Variants in CAST observed in about 807,000 individuals in gnomAD.
CAST encodes the protein MIR583 host.
A neutral mutation model predicts 119.6 loss-of-function variants in CAST; 76 were observed. The observed-to-expected ratio is 0.64, with a 90% CI of 0.53 to 0.77. CAST has a LOEUF of 0.77. Among genes scored for constraint, CAST ranks in the 30% least tolerant of loss-of-function variants. The probability of loss-of-function intolerance (pLI) is 0.00; values close to 1 mark genes in which losing one functional copy is unlikely to be tolerated. For missense variants in CAST, 953 were observed against 946.5 expected (o/e 1.01, Z -0.09); for synonymous variants, 319 against 331.6 (o/e 0.96, Z 0.41).
intron 3 of CAST, among the ~76,000 whole-genome samples, chr5:96,701,805 C>CAAAA (rs1259689905): frequency 9.1e-4 from 113 of 123,664 alleles, no homozygotes; most frequent in African/African-American, 3.1e-3. Flanking sequence ...AATCCCACCT[C>CAAAA]AAAAAAAAAA....
chr5:96,724,633 C>T (rs1758911551), intron 4 of CAST, among the ~76,000 whole-genome samples: 1 of 152,006 alleles, frequency 6.6e-6, no homozygotes, highest in Admixed American at 6.5e-5. Context: ...GAGTTTGGGA[C>T]CAGCCTGGGC....
chr5:96,183,096 G>T, the CAST span, among the ~76,000 whole-genome samples: 1 of 151,296 alleles, frequency 6.6e-6, no homozygotes, highest in Non-Finnish European at 1.5e-5. Context: ...CCGAGATCGC[G>T]CGCCACTGCA....
chr5:96,774,446 G>GTCTAGTTAGGAGAGAGAAAAT lies in CAST; in HGVS notation c.*1831_*1851dup. 1 of 926,084 alleles carries GTCTAGTTAGGAGAGAGAAAAT rather than the reference G, an allele frequency of 1.1e-6. No homozygotes were observed. Among genetic ancestry groups the GTCTAGTTAGGAGAGAGAAAAT allele is most frequent in the Non-Finnish European group, 1.3e-6 (1 of 774,014 alleles). 57.4% of individuals were successfully genotyped at this position (926,084 alleles called of 1,614,324 possible). On this transcript the variant is annotated 3_prime_UTR_variant, in exon 32 of 32. Coordinates refer to ENST00000675179, the MANE Select transcript of CAST (RefSeq NM_001750.7). ...AGGATCTAAAGCAGCCCTTTTTACA[G>GTCTAGTTAGGAGAGAGAAAAT]TCTAGTTAGGAGAGAGAAAATAATT...
chr5:96,392,860 GT>G, the CAST span: 1 of 847,242 alleles, frequency 1.2e-6, no homozygotes, highest in Non-Finnish European at 2.0e-6. Context: ...CACATGTACA[GT>G]TTAGGGAGAA....
chr5:96,663,939 CAAAAA>C lies in CAST; in HGVS notation c.75+1455_75+1459del, dbSNP rs3048777. 1.1e-4 allele frequency among the ~76,000 whole-genome samples: 12 copies of C among 111,046 alleles called. 1 individual carries two copies. The highest frequency in any genetic ancestry group is 2.8e-4 in the South Asian group (1 of 3,530). 72.9% of individuals were successfully genotyped at this position (111,046 alleles called of 152,430 possible). On this transcript the variant is annotated intron_variant, in intron 1 of 31. Coordinates refer to ENST00000675179, the MANE Select transcript of CAST (RefSeq NM_001750.7). ...CATGATTTAACATTAGATTGCTTTC[CAAAAA>C]AAAAAAAAAAAATCACACACAGGAG...
the CAST span, among the ~76,000 whole-genome samples, chr5:96,046,709 A>C: frequency 1.3e-5 from 2 of 152,218 alleles, no homozygotes; most frequent in Admixed American, 6.5e-5. Flanking sequence ...TCATTTTCAC[A>C]GTGCTGATAA....
chr5:96,482,391 C>T, the CAST span, among the ~76,000 whole-genome samples: 1 of 150,542 alleles, frequency 6.6e-6, no homozygotes, highest in Non-Finnish European at 1.5e-5. Flanking sequence ...ATGAAAATTC[C>T]CCATCTAGTA....
chr5:96,511,107 A>C, the CAST span, among the ~76,000 whole-genome samples: 2 of 152,196 alleles, frequency 1.3e-5, no homozygotes, highest in Non-Finnish European at 2.9e-5. Context: ...TAAAACAACA[A>C]AACAAAACAA....
the CAST span, among the ~76,000 whole-genome samples, chr5:96,046,756 T>C: frequency 6.6e-6 from 1 of 152,200 alleles, no homozygotes; most frequent in Non-Finnish European, 1.5e-5. Context: ...AGAGGTTTAA[T>C]TGGACTTACA....
chr5:96,279,737 GCTT>G, the CAST span, among the ~76,000 whole-genome samples: 5 of 152,184 alleles, frequency 3.3e-5, no homozygotes, highest in African/African-American at 7.2e-5. Context: ...AATAAAATAT[GCTT>G]CTTGAGAAGT....
chr5:96,466,945 G>A, the CAST span, among the ~76,000 whole-genome samples: 1 of 152,072 alleles, frequency 6.6e-6, no homozygotes, highest in South Asian at 2.1e-4. Context: ...GTACCAGTTT[G>A]CATTTGCACC....
At chr5:96,055,929 A>T in the CAST span, among the ~76,000 whole-genome samples, 3 of 152,208 alleles carry the variant, frequency 2.0e-5, no homozygotes, top group Non-Finnish European at 4.4e-5. Context: ...TATATGTAAC[A>T]TGACATTCAC....
chr5:96,139,314 A>G, the CAST span, among the ~76,000 whole-genome samples: 1 of 151,404 alleles, frequency 6.6e-6, no homozygotes, highest in South Asian at 2.1e-4. Flanking sequence ...TTCTCTCTCC[A>G]ATGCCTAAGA....
the CAST span, among the ~76,000 whole-genome samples, chr5:96,385,771 T>A: frequency 3.3e-5 from 5 of 152,228 alleles, 1 homozygote; most frequent in South Asian, 1.0e-3. Flanking sequence ...TGCTATTGCC[T>A]TGCAAATTAC....
At chr5:96,682,940 A>C (rs1448065927) in intron 2 of CAST, among the ~76,000 whole-genome samples, 2 of 152,056 alleles carry the variant, frequency 1.3e-5, no homozygotes, top group Non-Finnish European at 2.9e-5. Flanking sequence ...CCCCAGGTGC[A>C]GCATGCTACT....
chr5:96,101,822 G>T, the CAST span, among the ~76,000 whole-genome samples: 1 of 152,142 alleles, frequency 6.6e-6, no homozygotes, highest in African/African-American at 2.4e-5. Context: ...GTGTGTAAGC[G>T]AGTGAATGTG....
At chr5:96,459,210 A>T in the CAST span, among the ~76,000 whole-genome samples, 1 of 152,184 alleles carries the variant, frequency 6.6e-6, no homozygotes, top group African/African-American at 2.4e-5. Context: ...TAACAGAAAT[A>T]AATGTCTGCT....
At chr5:96,482,614 C>G in the CAST span, among the ~76,000 whole-genome samples, 2 of 151,968 alleles carry the variant, frequency 1.3e-5, no homozygotes, top group Non-Finnish European at 2.9e-5. Context: ...GAAAAAAACT[C>G]CTCTTTATTG....
chr5:96,756,029 T>A (rs939221875), intron 22 of CAST, among the ~76,000 whole-genome samples: 1 of 152,234 alleles, frequency 6.6e-6, no homozygotes, highest in African/African-American at 2.4e-5. Context: ...CAGTCCCTGA[T>A]CACTTTATTC....
Sources: allele counts gnomAD v4.1 joint callset (sites outside exome capture counted in the v4.1 genomes callset), GRCh38; gene constraint gnomAD v4.1.1; transcripts MANE v1.5; gene names NCBI Gene and HGNC (gene_info 2026-07-23, HGNC 2026-07-21).